EDIL3: variants seen among roughly 807,000 people sequenced by gnomAD.
EDIL3 encodes the protein EGF-like repeat and discoidin I-like domain-containing protein 3.
Under a neutral mutation model 67.4 loss-of-function variants are expected in EDIL3, and 37 were observed. The observed-to-expected ratio is 0.55, with a 90% CI of 0.42 to 0.72. EDIL3 has a LOEUF of 0.72. Ranked by LOEUF, EDIL3 falls within the 30% of genes least tolerant of loss-of-function variation. The pLI, the probability that EDIL3 is intolerant of heterozygous loss-of-function variation, is 0.00. For synonymous variants in EDIL3, 195 were observed against 196.3 expected (o/e 0.99, Z 0.05); for missense variants, 527 against 586.3 (o/e 0.90, Z 1.04).
chr5:84,273,583 T>C (rs545549820), intron 1 of EDIL3, among the ~76,000 whole-genome samples: 1 of 152,238 alleles, frequency 6.6e-6, no homozygotes, highest in African/African-American at 2.4e-5. Flanking sequence ...ACTTAGGTCT[T>C]AAATAAACCC....
intron 4 of EDIL3, among the ~76,000 whole-genome samples, chr5:84,154,626 A>C (rs114967827): frequency 0.017 from 2,512 of 149,422 alleles, 74 homozygotes; most frequent in African/African-American, 0.058. Context: ...TCACCATGTC[A>C]GTATTTTTAT....
intron 9 of EDIL3, among the ~76,000 whole-genome samples, chr5:84,020,015 G>A (rs1293719211): frequency 7.1e-6 from 1 of 141,262 alleles, no homozygotes; most frequent in Non-Finnish European, 1.5e-5. Flanking sequence ...TGCAATTAAT[G>A]GTCCTTTCCT....
rs1398644501 is a variant in EDIL3, at chr5:84,193,545, C to G, written c.227-13024G>C. Reference sequence around the variant, plus strand: ...TGTTAGTGTTTGTGGAAATAGATGGCGATTAGTGGGTAAGGATATAGTTGC... The same window carrying G: ...TGTTAGTGTTTGTGGAAATAGATGGGGATTAGTGGGTAAGGATATAGTTGC... On this transcript the variant is annotated intron_variant, in intron 3 of 10. Transcript: ENST00000296591. Among the ~76,000 whole-genome samples, 9 of 151,644 alleles carry G rather than the reference C, an allele frequency of 5.9e-5. No homozygotes were observed. In the South Asian group the frequency reaches 1.7e-3, roughly 28 times the overall value.
At chr5:83,947,942 C>T (rs1744343045) in intron 10 of EDIL3, among the ~76,000 whole-genome samples, 1 of 151,808 alleles carries the variant, frequency 6.6e-6, no homozygotes, top group African/African-American at 2.4e-5. Context: ...ATCTTGATTG[C>T]ATTCCATTGA....
chr5:84,252,508 A>AAAAAAAAAAAAAAAAAAAAAAAAAAAC (rs1745044443), intron 2 of EDIL3, among the ~76,000 whole-genome samples: 1 of 148,808 alleles, frequency 6.7e-6, no homozygotes, highest in East Asian at 2.0e-4. Context: ...AAAAAAAAAA[A>AAAAAAAAAAAAAAAAAAAAAAAAAAAC]AAAAAAAAAA....
At chr5:84,196,930 A>C (rs1428829421) in intron 3 of EDIL3, 1 of 152,044 alleles carries the variant, frequency 6.6e-6, no homozygotes, top group African/African-American at 2.4e-5. Context: ...GATACAGAGA[A>C]TATTAGTATG....
chr5:84,292,669 G>A (rs1017413230), intron 1 of EDIL3, among the ~76,000 whole-genome samples: 2 of 152,000 alleles, frequency 1.3e-5, no homozygotes, highest in African/African-American at 4.8e-5. Context: ...TGGTTCTCAT[G>A]CTATATACTT....
chr5:84,177,793 C>A (rs1156253165), intron 4 of EDIL3, among the ~76,000 whole-genome samples: 1 of 151,852 alleles, frequency 6.6e-6, no homozygotes, highest in Non-Finnish European at 1.5e-5. Flanking sequence ...GGTAATAATG[C>A]CGATGCTGGA....
At chr5:83,963,452 TC>T in intron 9 of EDIL3, 92 bp from the exon 10 acceptor site, 7 of 1,328,050 alleles carry the variant, frequency 5.3e-6, no homozygotes, top group Non-Finnish European at 7.0e-6. Context: ...ACTATATATA[TC>T]CTAAAATCAA....
intron 9 of EDIL3, among the ~76,000 whole-genome samples, chr5:84,006,363 CAAAACA>C (rs1364922558): frequency 6.6e-6 from 1 of 151,572 alleles, no homozygotes; most frequent in African/African-American, 2.4e-5. Context: ...CAAAACAAAA[CAAAACA>C]AAACAAAACA....
chr5:84,023,652 A>T (rs976643638), intron 9 of EDIL3, among the ~76,000 whole-genome samples: 6 of 152,040 alleles, frequency 3.9e-5, no homozygotes, highest in African/African-American at 1.4e-4. Context: ...AAATGAAAAA[A>T]ATGCATTTGG....
chr5:84,288,090 T>C lies in EDIL3; in HGVS notation c.68-33878A>G, dbSNP rs145361424. 2.0e-5 allele frequency among the ~76,000 whole-genome samples: 3 copies of C among 152,284 alleles called. No homozygotes were observed. The East Asian group carries it at 5.8e-4, about 29-fold the overall frequency. ...TTTAACATGTCCACACTCCTGATAA[T>C]TTCCCCAGACCTACTTTTCCCGTTG... On this transcript the variant is annotated intron_variant, in intron 1 of 10. Transcript: ENST00000296591.
chr5:84,120,148 A>G (rs1226670944), intron 5 of EDIL3, among the ~76,000 whole-genome samples: 1 of 152,106 alleles, frequency 6.6e-6, no homozygotes, highest in Non-Finnish European at 1.5e-5. Flanking sequence ...TGGTAAATTC[A>G]GGAATTGCAC....
chr5:84,049,722 C>G (rs950713891), intron 9 of EDIL3, among the ~76,000 whole-genome samples: 1 of 149,948 alleles, frequency 6.7e-6, no homozygotes. Context: ...CTTTATTGCT[C>G]AAAGTATTAG....
At chr5:84,139,787 G>A (rs932156559) in intron 4 of EDIL3, among the ~76,000 whole-genome samples, 8 of 152,088 alleles carry the variant, frequency 5.3e-5, no homozygotes, top group African/African-American at 1.9e-4. Context: ...TTTGATCTTA[G>A]ACAAGAAGAA....
At chr5:84,284,740 G>C (rs574801288) in intron 1 of EDIL3, among the ~76,000 whole-genome samples, 1 of 152,200 alleles carries the variant, frequency 6.6e-6, no homozygotes, top group Non-Finnish European at 1.5e-5. Context: ...AAAAACAAAA[G>C]ATCTGAGGAA....
At chr5:84,271,007 C>T (rs1016881044) in intron 1 of EDIL3, among the ~76,000 whole-genome samples, 10 of 152,214 alleles carry the variant, frequency 6.6e-5, no homozygotes, top group African/African-American at 2.4e-4. Context: ...AGTTATACCA[C>T]GAATTTGTGA....
intron 6 of EDIL3, among the ~76,000 whole-genome samples, chr5:84,075,548 T>C (rs1746837781): frequency 6.6e-6 from 1 of 151,960 alleles, no homozygotes; most frequent in South Asian, 2.1e-4. Flanking sequence ...CAATCTCAGC[T>C]CACTGCAAAC....
chr5:84,081,272 C>T (rs1006613799), intron 6 of EDIL3, among the ~76,000 whole-genome samples: 5 of 152,170 alleles, frequency 3.3e-5, no homozygotes, highest in African/African-American at 1.2e-4. Context: ...CTCCATCACC[C>T]ACAGCTACAC....
Sources: gnomAD v4.1 joint callset for allele counts (sites outside exome capture counted in the v4.1 genomes callset) on GRCh38, gnomAD v4.1.1 for gene constraint, MANE v1.5 for transcripts, NCBI Gene and HGNC (gene_info 2026-07-23, HGNC 2026-07-21) for gene names.